Variants in ATXN1 observed in about 807,000 individuals in gnomAD.
The protein encoded by ATXN1 is ataxin-1.
A neutral mutation model predicts 56.4 loss-of-function variants in ATXN1; 8 were observed. The ratio of observed to expected loss-of-function variants is 0.14; its 90% CI spans 0.08 to 0.26. ATXN1 has a LOEUF of 0.26. ATXN1 is among the 10% of genes least tolerant of loss of function. The pLI is 1.00. For missense variants in ATXN1, 987 were observed against 1,106.5 expected, an observed-to-expected ratio of 0.89 and a Z score of 1.53; for synonymous variants, 514 against 494.6, an observed-to-expected ratio of 1.04 and a Z score of -0.52.
At chr6:16,444,708 C>T (rs138955475) in intron 6 of ATXN1, among the ~76,000 whole-genome samples, 38 of 152,226 alleles carry the variant, frequency 2.5e-4, no homozygotes, top group African/African-American at 8.7e-4. Context: ...ATAATTCCTG[C>T]TAACAAATGA....
At chr6:16,359,192 A>G (rs1761755882) in intron 6 of ATXN1, among the ~76,000 whole-genome samples, 1 of 152,192 alleles carries the variant, frequency 6.6e-6, no homozygotes, top group Admixed American at 6.5e-5. Flanking sequence ...CCGGGGCAGA[A>G]AAGAGGGGAG....
chr6:16,443,277 T>C lies in ATXN1; in HGVS notation c.-161+42695A>G, dbSNP rs1486661586. On this transcript the variant is annotated intron_variant, in intron 6 of 7. Coordinates refer to ENST00000436367, the MANE Select transcript of ATXN1 (RefSeq NM_001128164.2). ...TTGCTTATAATAAAAATGAAAGATA[T>C]GCCTAAAAATGGTAAAAAGGAGAAA... is the stretch of plus-strand genomic sequence containing the variant. Among the ~76,000 whole-genome samples, 6 of 133,518 alleles carry C rather than the reference T, an allele frequency of 4.5e-5. No individual in the cohort carries two copies. In the South Asian group the frequency reaches 7.3e-4, roughly 16 times the overall value. 87.6% of individuals were successfully genotyped at this position (133,518 alleles called of 152,430 possible).
intron 6 of ATXN1, among the ~76,000 whole-genome samples, chr6:16,352,554 G>A (rs1761592459): frequency 6.6e-6 from 1 of 152,136 alleles, no homozygotes; most frequent in South Asian, 2.1e-4. Flanking sequence ...AGGCTGGGCT[G>A]GATGGAAGGA....
chr6:16,749,770 C>A (rs1281551821), intron 2 of ATXN1, among the ~76,000 whole-genome samples: 1 of 152,204 alleles, frequency 6.6e-6, no homozygotes, highest in Admixed American at 6.5e-5. Flanking sequence ...ATTCAGTCAT[C>A]CCCCTCCTGG....
chr6:16,599,483 C>T (rs556069654), intron 3 of ATXN1, among the ~76,000 whole-genome samples: 2 of 151,890 alleles, frequency 1.3e-5, no homozygotes, highest in Admixed American at 6.6e-5. Context: ...GAGGCTGAGG[C>T]GAGCGGATCA....
chr6:16,466,959 C>T (rs781235719), intron 6 of ATXN1, among the ~76,000 whole-genome samples: 2 of 152,200 alleles, frequency 1.3e-5, no homozygotes, highest in Non-Finnish European at 2.9e-5. Context: ...ATAGTCAGTG[C>T]CTTACACAAA....
chr6:16,338,136 G>A (rs554703480), intron 6 of ATXN1, among the ~76,000 whole-genome samples: 70 of 152,304 alleles, frequency 4.6e-4, no homozygotes, highest in East Asian at 9.6e-4. Context: ...GGGCTACGCC[G>A]TAAGGTAGAG....
At chr6:16,569,571 CCTG>C (rs1762294158) in intron 4 of ATXN1, among the ~76,000 whole-genome samples, 1 of 151,110 alleles carries the variant, frequency 6.6e-6, no homozygotes, top group African/African-American at 2.4e-5. Flanking sequence ...TCAGTGGTCT[CCTG>C]CTGTTCCTGA....
intron 2 of ATXN1, among the ~76,000 whole-genome samples, chr6:16,660,692 CTATCT>C (rs1355955229): frequency 5.3e-5 from 8 of 152,030 alleles, no homozygotes; most frequent in Non-Finnish European, 1.0e-4. Context: ...ACAAACACAA[CTATCT>C]TATATGATTT....
At chr6:16,526,595 TC>T (rs1335890156) in intron 4 of ATXN1, among the ~76,000 whole-genome samples, 1 of 152,006 alleles carries the variant, frequency 6.6e-6, no homozygotes, top group Non-Finnish European at 1.5e-5. Flanking sequence ...TGAAACCCTG[TC>T]TCTACTAAAA....
intron 6 of ATXN1, among the ~76,000 whole-genome samples, chr6:16,480,387 T>C (rs1262940694): frequency 1.3e-5 from 2 of 152,018 alleles, no homozygotes; most frequent in Non-Finnish European, 1.5e-5. Context: ...TAAATACACA[T>C]ATATATTGGG....
chr6:16,596,048 G>A (rs1762809819), intron 3 of ATXN1, among the ~76,000 whole-genome samples: 1 of 152,170 alleles, frequency 6.6e-6, no homozygotes, highest in South Asian at 2.1e-4. Context: ...CACCCAGGCT[G>A]TGCAATGGCA....
chr6:16,360,246 G>A (rs1281684926), intron 6 of ATXN1, among the ~76,000 whole-genome samples: 1 of 152,120 alleles, frequency 6.6e-6, no homozygotes, highest in East Asian at 1.9e-4. Flanking sequence ...CTGAATTAAT[G>A]CCCACTGGAT....
chr6:16,347,158 C>G (rs1761428915), intron 6 of ATXN1, among the ~76,000 whole-genome samples: 1 of 152,226 alleles, frequency 6.6e-6, no homozygotes, highest in Non-Finnish European at 1.5e-5. Context: ...CAGAGCCTCC[C>G]CGACGAGCGC....
intron 6 of ATXN1, among the ~76,000 whole-genome samples, chr6:16,483,530 C>G (rs780934443): frequency 2.0e-5 from 3 of 152,120 alleles, no homozygotes; most frequent in Non-Finnish European, 4.4e-5. Flanking sequence ...ACTAGGAACC[C>G]CCCACTGCCC....
At chr6:16,656,348 A>G (rs951147264) in intron 3 of ATXN1, among the ~76,000 whole-genome samples, 2 of 152,168 alleles carry the variant, frequency 1.3e-5, no homozygotes, top group South Asian at 2.1e-4. Flanking sequence ...TTTGCAGGAG[A>G]CCTTGGAGAT....
At position 16,306,512 on chromosome 6, in the gene ATXN1, C is replaced by A. The variant is rs770406977; in HGVS notation, c.2265G>T (p.Ala755=). 2 of 1,614,120 alleles carry A rather than the reference C, an allele frequency of 1.2e-6. No individual in the cohort carries two copies. Among genetic ancestry groups the A allele is most frequent in the African/African-American group, 2.7e-5 (2 of 75,010 alleles). ...TGGGTTCTATTTTGGTGAGGAAGGG[C>A]GCTGCAGGCAATCCCATTTTCTCTG... ...KFPEKMGLPA[A]PFLTKIEPSK... The change falls in exon 8 of 8, where the codon GCG becomes GCT. Residue 755 remains alanine, a synonymous_variant. Coordinates refer to ENST00000436367, the MANE Select transcript of ATXN1 (RefSeq NM_001128164.2). The surrounding 1 kb of genome is among the most constrained non-coding windows in gnomAD (Gnocchi z 5.2).
chr6:16,439,075 T>C (rs1759450059), intron 6 of ATXN1, among the ~76,000 whole-genome samples: 1 of 152,008 alleles, frequency 6.6e-6, no homozygotes. Context: ...AAATTTAAAC[T>C]GCACAGGAAA....
At chr6:16,448,903 T>G (rs1759687810) in intron 6 of ATXN1, among the ~76,000 whole-genome samples, 1 of 152,214 alleles carries the variant, frequency 6.6e-6, no homozygotes, top group Non-Finnish European at 1.5e-5. Context: ...TCTTCAAGAT[T>G]TGCCAACTGA....
Sources: gnomAD v4.1 joint callset for allele counts (sites outside exome capture counted in the v4.1 genomes callset) on GRCh38, gnomAD v4.1.1 for gene constraint, Gnocchi (gnomAD v3.1) non-coding constraint, MANE v1.5 for transcripts, NCBI Gene and HGNC (gene_info 2026-07-23, HGNC 2026-07-21) for gene names.